BNC2: variants seen among roughly 807,000 people sequenced by gnomAD.
BNC2 encodes basonuclin zinc finger protein 2.
BNC2 carries 20 observed loss-of-function variants against 76.3 expected under a neutral mutation model. That is an observed-to-expected ratio of 0.26 (90% CI 0.18 to 0.38). The LOEUF is 0.38. Ranked by LOEUF, BNC2 falls within the 10% of genes least tolerant of loss-of-function variation. The pLI, the probability that BNC2 is intolerant of heterozygous loss-of-function variation, is 1.00. For synonymous variants in BNC2, 582 were observed against 514.8 expected, an observed-to-expected ratio of 1.13 and a Z score of -1.77; for missense variants, 1,382 against 1,399.8, an observed-to-expected ratio of 0.99 and a Z score of 0.20.
chr9:16,743,909 C>A (rs1282873556), intron 1 of BNC2, among the ~76,000 whole-genome samples: 1 of 152,082 alleles, frequency 6.6e-6, no homozygotes, highest in Non-Finnish European at 1.5e-5. Flanking sequence ...ACACTATTCT[C>A]GGTTTTTTTC....
chr9:16,571,702 C>A (rs1455589214), intron 4 of BNC2, among the ~76,000 whole-genome samples: 1 of 151,976 alleles, frequency 6.6e-6, no homozygotes, highest in Non-Finnish European at 1.5e-5. Flanking sequence ...ATGTAATTGT[C>A]TGCCTCTCTC....
chr9:16,693,333 A>T (rs1823238437), intron 3 of BNC2, among the ~76,000 whole-genome samples: 1 of 152,148 alleles, frequency 6.6e-6, no homozygotes, highest in African/African-American at 2.4e-5. Context: ...AAATCTGAAG[A>T]ACCCAACCCT....
At chr9:16,813,555 G>A (rs371616175) in intron 1 of BNC2, among the ~76,000 whole-genome samples, 16 of 152,134 alleles carry the variant, frequency 1.1e-4, no homozygotes, top group African/African-American at 2.9e-4. Context: ...GTGAGCCACC[G>A]CGCCCAGCCA....
At chr9:16,864,327 T>G (rs371749938) in intron 1 of BNC2, among the ~76,000 whole-genome samples, 30 of 152,358 alleles carry the variant, frequency 2.0e-4, no homozygotes, top group African/African-American at 7.0e-4. Flanking sequence ...GATCCATTCA[T>G]ATATATGATT....
chr9:16,594,840 T>A, intron 3 of BNC2, among the ~76,000 whole-genome samples: 1 of 152,122 alleles, frequency 6.6e-6, no homozygotes, highest in East Asian at 1.9e-4. Context: ...AGGAGCCTGA[T>A]AATCCCCCTT....
At chr9:16,744,246 G>A (rs1374390246) in intron 1 of BNC2, among the ~76,000 whole-genome samples, 1 of 152,104 alleles carries the variant, frequency 6.6e-6, no homozygotes. Context: ...TGGGATTACA[G>A]GCGTAAGCCA....
intron 3 of BNC2, among the ~76,000 whole-genome samples, chr9:16,653,337 A>G (rs923076140): frequency 3.3e-5 from 5 of 152,188 alleles, no homozygotes; most frequent in Non-Finnish European, 7.3e-5. Context: ...CCACACACAG[A>G]AATCTCCCCT....
intron 3 of BNC2, among the ~76,000 whole-genome samples, chr9:16,676,366 C>T (rs185865257): frequency 1.7e-4 from 26 of 152,268 alleles, no homozygotes; most frequent in East Asian, 1.2e-3. Flanking sequence ...AACACAAACG[C>T]GTAATTCTAT....
At chr9:16,510,191 C>G (rs898306349) in intron 5 of BNC2, among the ~76,000 whole-genome samples, 2 of 152,158 alleles carry the variant, frequency 1.3e-5, no homozygotes, top group South Asian at 2.1e-4. Flanking sequence ...GGCCTCAGTG[C>G]CCACTGTTCT....
At chr9:16,720,933 A>C (rs1253155681) in intron 3 of BNC2, among the ~76,000 whole-genome samples, 1 of 152,210 alleles carries the variant, frequency 6.6e-6, no homozygotes, top group African/African-American at 2.4e-5. Flanking sequence ...TCCAGTCATA[A>C]ATTTTTCACC....
At position 16,413,980 on chromosome 9, in the gene BNC2, C is replaced by T. The variant is rs1820531295; in HGVS notation, c.*5009G>A. Reference sequence around the variant, plus strand: ...CTGTTAGGATGAAAACGAGGTGTTACCACTGGCCTTTTCTATAGCCTTGCT... The same window carrying T: ...CTGTTAGGATGAAAACGAGGTGTTATCACTGGCCTTTTCTATAGCCTTGCT... On this transcript the variant is annotated 3_prime_UTR_variant, in exon 7 of 7. Coordinates refer to ENST00000380672, the MANE Select transcript of BNC2 (RefSeq NM_017637.6). The T allele has an allele frequency of 1.3e-5, 2 of 152,166 alleles. No individual in the cohort carries two copies. The highest frequency in any genetic ancestry group is 2.4e-5 in the African/African-American group (1 of 41,444). The allele number at this position is 152,166 out of a possible 1,614,324, so 9.4% of individuals were successfully genotyped here. A position where few individuals can be genotyped will look rare whatever the true frequency, so the allele number is the denominator to read the frequency against.
intron 3 of BNC2, among the ~76,000 whole-genome samples, chr9:16,584,651 T>C (rs920130208): frequency 6.6e-6 from 1 of 152,184 alleles, no homozygotes; most frequent in Non-Finnish European, 1.5e-5. Flanking sequence ...TTGTTGTATA[T>C]AGAAGTGATT....
chr9:16,640,421 G>C (rs1020996348), intron 3 of BNC2, among the ~76,000 whole-genome samples: 1 of 152,162 alleles, frequency 6.6e-6, no homozygotes, highest in Non-Finnish European at 1.5e-5. Flanking sequence ...CAAAACACAT[G>C]AGGGATAAAA....
rs1288274524 is a variant in BNC2, at chr9:16,870,666, C to G, written c.-18G>C. ...CTTACCATCTCGGCATGCTGGTTGTCAAGTGCAGCCCCCGCCTCTTGGTCT... is the reference window on the plus strand; with the variant it reads ...CTTACCATCTCGGCATGCTGGTTGTGAAGTGCAGCCCCCGCCTCTTGGTCT... On this transcript the variant is annotated 5_prime_UTR_variant, in exon 1 of 7. Coordinates refer to ENST00000380672, the MANE Select transcript of BNC2 (RefSeq NM_017637.6). The G allele has an allele frequency of 2.5e-6, 4 of 1,610,230 alleles. No homozygotes were observed. Among genetic ancestry groups the G allele is most frequent in the South Asian group, 2.2e-5 (2 of 90,584 alleles).
intron 4 of BNC2, among the ~76,000 whole-genome samples, chr9:16,553,301 G>C (rs1818722842): frequency 6.6e-6 from 1 of 152,168 alleles, no homozygotes; most frequent in African/African-American, 2.4e-5. Context: ...ACCTAATTTG[G>C]AGGGAATAAG....
chr9:16,828,378 T>G (rs1356239450), intron 1 of BNC2, among the ~76,000 whole-genome samples: 1 of 152,154 alleles, frequency 6.6e-6, no homozygotes, highest in Non-Finnish European at 1.5e-5. Context: ...TAACTGAAAA[T>G]GCTTAGTCTT....
intron 1 of BNC2, among the ~76,000 whole-genome samples, chr9:16,800,860 G>C (rs995014653): frequency 1.2e-4 from 18 of 151,950 alleles, no homozygotes; most frequent in African/African-American, 4.4e-4. Context: ...TAAGATAGTT[G>C]TCTTTCTCTC....
At chr9:16,467,782 T>A (rs1821725422) in intron 5 of BNC2, among the ~76,000 whole-genome samples, 1 of 142,586 alleles carries the variant, frequency 7.0e-6, no homozygotes, top group South Asian at 2.3e-4. Flanking sequence ...TGTATACATA[T>A]GTAACTAACC....
At chr9:16,767,674 T>C (rs1825734494) in intron 1 of BNC2, among the ~76,000 whole-genome samples, 1 of 152,178 alleles carries the variant, frequency 6.6e-6, no homozygotes, top group Admixed American at 6.5e-5. Context: ...TGCTGTGTTT[T>C]ATTTCAAATT....
Sources: gnomAD v4.1 joint callset for allele counts (sites outside exome capture counted in the v4.1 genomes callset) on GRCh38, gnomAD v4.1.1 for gene constraint, MANE v1.5 for transcripts, NCBI Gene and HGNC (gene_info 2026-07-23, HGNC 2026-07-21) for gene names.